UTS2: variants seen among roughly 807,000 people sequenced by gnomAD.
UTS2 encodes the protein urotensin-2.
Under a neutral mutation model 12.6 loss-of-function variants are expected in UTS2, and 10 were observed. The observed-to-expected ratio is 0.80, with a 90% CI of 0.49 to 1.35. The LOEUF is 1.35. Among genes scored for constraint, UTS2 ranks in the 40% most tolerant of loss-of-function variants. UTS2 has a pLI of 0.00. For synonymous variants in UTS2, 52 were observed against 50.0 expected (o/e 1.04, Z -0.17); for missense variants, 142 against 143.2 (o/e 0.99, Z 0.04).
chr1:7,859,842 A>T, the UTS2 span, among the ~76,000 whole-genome samples: 1 of 152,154 alleles, frequency 6.6e-6, no homozygotes, highest in East Asian at 1.9e-4. Flanking sequence ...TACAAAAAAT[A>T]TGAAAAATTA....
At chr1:7,881,648 C>G in the UTS2 span, among the ~76,000 whole-genome samples, 1 of 152,086 alleles carries the variant, frequency 6.6e-6, no homozygotes, top group East Asian at 1.9e-4. Context: ...AAAGAAACTG[C>G]AAGATGTCTC....
the UTS2 span, among the ~76,000 whole-genome samples, chr1:7,899,350 C>A: frequency 6.6e-6 from 1 of 152,162 alleles, no homozygotes; most frequent in African/African-American, 2.4e-5. Context: ...CCATCTTTAT[C>A]CTGTTTCAGC....
chr1:7,907,486 A>G, the UTS2 span, among the ~76,000 whole-genome samples: 1 of 152,022 alleles, frequency 6.6e-6, no homozygotes, highest in Non-Finnish European at 1.5e-5. Flanking sequence ...TCTTTACAAA[A>G]AAATTTAAAC....
the UTS2 span, among the ~76,000 whole-genome samples, chr1:7,909,366 GA>G: frequency 6.6e-6 from 1 of 151,924 alleles, no homozygotes; most frequent in Admixed American, 6.6e-5. Context: ...TTAACATGGT[GA>G]AACCCCATCT....
chr1:7,866,361 A>AGTGAGC, the UTS2 span, among the ~76,000 whole-genome samples: 1 of 152,188 alleles, frequency 6.6e-6, no homozygotes, highest in East Asian at 1.9e-4. This position sits in a 1 kb window ranked among gnomAD's most constrained non-coding sequence, Gnocchi z 4.5. Flanking sequence ...GGGGGTGTCA[A>AGTGAGC]GTGAGCGTGA....
the UTS2 span, among the ~76,000 whole-genome samples, chr1:7,878,531 G>T: frequency 1.3e-5 from 2 of 152,066 alleles, no homozygotes; most frequent in African/African-American, 4.8e-5. Context: ...ATAAGTTGTT[G>T]CCTATTAATA....
chr1:7,908,293 T>C, the UTS2 span, among the ~76,000 whole-genome samples: 1 of 121,300 alleles, frequency 8.2e-6, no homozygotes, highest in Non-Finnish European at 1.6e-5. Flanking sequence ...TGAGACTCCG[T>C]CTAAAAAAAA....
At chr1:7,890,669 A>G in the UTS2 span, among the ~76,000 whole-genome samples, 3 of 149,534 alleles carry the variant, frequency 2.0e-5, no homozygotes, top group East Asian at 3.9e-4. Context: ...AGGCAGGAGG[A>G]TCACTTGAGA....
upstream of UTS2, among the ~76,000 whole-genome samples, chr1:7,858,261 C>A (rs2151385800): frequency 6.6e-6 from 1 of 152,356 alleles, no homozygotes. Context: ...TCATTCCACG[C>A]TAATGGCCCT....
chr1:7,911,175 C>T, the UTS2 span, among the ~76,000 whole-genome samples: 1 of 152,070 alleles, frequency 6.6e-6, no homozygotes. Flanking sequence ...CAGTTTGCTT[C>T]GATTGCCTTC....
At chr1:7,863,894 C>T in the UTS2 span, among the ~76,000 whole-genome samples, 1 of 152,232 alleles carries the variant, frequency 6.6e-6, no homozygotes, top group Non-Finnish European at 1.5e-5. Flanking sequence ...CTAAGATGAC[C>T]TGGCCCGGCC....
chr1:7,849,038 G>A (rs1172435916), intron 3 of UTS2, among the ~76,000 whole-genome samples: 1 of 152,086 alleles, frequency 6.6e-6, no homozygotes, highest in Non-Finnish European at 1.5e-5. Flanking sequence ...GTTAGATGGT[G>A]AATGAGAGCA....
the UTS2 span, among the ~76,000 whole-genome samples, chr1:7,881,880 T>C: frequency 6.6e-6 from 1 of 152,030 alleles, no homozygotes; most frequent in African/African-American, 2.4e-5. Context: ...CTTCAAAACA[T>C]CCTATAAAGT....
the UTS2 span, among the ~76,000 whole-genome samples, chr1:7,872,111 C>T: frequency 6.6e-6 from 1 of 151,684 alleles, no homozygotes; most frequent in African/African-American, 2.4e-5. Context: ...ACCATCCTGG[C>T]TAACATGGTG....
chr1:7,854,536 G>GAAA (rs35379501), upstream of UTS2, among the ~76,000 whole-genome samples: 17 of 143,800 alleles, frequency 1.2e-4, 1 homozygote, highest in African/African-American at 3.1e-4. Flanking sequence ...AAAGAAGAAA[G>GAAA]AAAAGTGGTT....
chr1:7,851,707 T>A (rs1261379660), intron 1 of UTS2, among the ~76,000 whole-genome samples: 1 of 152,194 alleles, frequency 6.6e-6, no homozygotes, highest in African/African-American at 2.4e-5. Context: ...CAGAGCACAT[T>A]CACAGCACTT....
the UTS2 span, among the ~76,000 whole-genome samples, chr1:7,893,338 C>G: frequency 6.6e-6 from 1 of 152,036 alleles, no homozygotes; most frequent in Non-Finnish European, 1.5e-5. Context: ...CCCATCTCTA[C>G]TAAAAATGCA....
intron 1 of UTS2, among the ~76,000 whole-genome samples, chr1:7,851,840 T>G (rs2097414478): frequency 1.3e-5 from 2 of 152,260 alleles, no homozygotes; most frequent in African/African-American, 4.8e-5. Context: ...TTCGAATTTG[T>G]GTGAGATGCT....
At chr1:7,883,278 G>A in the UTS2 span, among the ~76,000 whole-genome samples, 1 of 152,142 alleles carries the variant, frequency 6.6e-6, no homozygotes, top group Non-Finnish European at 1.5e-5. Flanking sequence ...AACAAGCCAG[G>A]CACAGAATGA....
Sources: gnomAD v4.1 joint callset for allele counts (sites outside exome capture counted in the v4.1 genomes callset) on GRCh38, gnomAD v4.1.1 for gene constraint, Gnocchi (gnomAD v3.1) non-coding constraint, MANE v1.5 for transcripts, NCBI Gene and HGNC (gene_info 2026-07-23, HGNC 2026-07-21) for gene names.